GPM6A: variants seen among roughly 807,000 people sequenced by gnomAD.
GPM6A encodes glycoprotein M6A.
In GPM6A, 7 loss-of-function variants were observed where a neutral mutation model predicts 32.1. That is an observed-to-expected ratio of 0.22 (90% CI 0.12 to 0.41). The LOEUF (loss-of-function observed/expected upper bound fraction) is 0.41, where lower values mean the gene tolerates loss of function less well. GPM6A is among the 10% of genes least tolerant of loss of function. The probability of loss-of-function intolerance (pLI) is 1.00; values close to 1 mark genes in which losing one functional copy is unlikely to be tolerated. For synonymous variants in GPM6A, 130 were observed against 123.4 expected (o/e 1.05, Z -0.35); for missense variants, 235 against 347.2 (o/e 0.68, Z 2.57).
At chr4:175,797,376 G>A (rs1293408303) in intron 1 of GPM6A, among the ~76,000 whole-genome samples, 1 of 152,078 alleles carries the variant, frequency 6.6e-6, no homozygotes, top group African/African-American at 2.4e-5. Context: ...TGATGTTTGG[G>A]TAGGTAGCTG....
intron 1 of GPM6A, among the ~76,000 whole-genome samples, chr4:175,968,417 T>C (rs555812295): frequency 6.6e-6 from 1 of 152,296 alleles, no homozygotes; most frequent in East Asian, 1.9e-4. Context: ...AAAGAAAATA[T>C]TGATAAGATG....
intron 1 of GPM6A, among the ~76,000 whole-genome samples, chr4:175,884,870 A>T (rs1022249482): frequency 6.6e-6 from 1 of 152,176 alleles, no homozygotes; most frequent in Non-Finnish European, 1.5e-5. Context: ...TTTCTTTGAC[A>T]TATTAAAAAT....
At chr4:175,648,685 C>T (rs1741612457) in intron 4 of GPM6A, among the ~76,000 whole-genome samples, 1 of 152,174 alleles carries the variant, frequency 6.6e-6, no homozygotes, top group South Asian at 2.1e-4. Flanking sequence ...CCAGTTTCTC[C>T]AGGCCACCCA....
intron 1 of GPM6A, among the ~76,000 whole-genome samples, chr4:175,766,474 CAGTT>C (rs1445464280): frequency 6.6e-6 from 1 of 152,078 alleles, no homozygotes; most frequent in Non-Finnish European, 1.5e-5. Context: ...TTACACTAGT[CAGTT>C]AAGTTTTGAT....
At chr4:175,887,690 A>G (rs1032854761) in intron 1 of GPM6A, among the ~76,000 whole-genome samples, 1 of 151,934 alleles carries the variant, frequency 6.6e-6, no homozygotes, top group Admixed American at 6.6e-5. Flanking sequence ...TAGACACAAT[A>G]AAAATATAAC....
intron 1 of GPM6A, among the ~76,000 whole-genome samples, chr4:175,721,166 T>TA (rs55909333): frequency 5.2e-4 from 75 of 145,496 alleles, no homozygotes; most frequent in Non-Finnish European, 9.2e-4. Context: ...TATATATATA[T>TA]TTTCTATTTT....
chr4:175,857,774 G>C (rs1409558014), intron 1 of GPM6A, among the ~76,000 whole-genome samples: 1 of 151,958 alleles, frequency 6.6e-6, no homozygotes, highest in Non-Finnish European at 1.5e-5. Flanking sequence ...CATACTTAAT[G>C]ATAAAAGACT....
intron 1 of GPM6A, chr4:176,002,248 T>C (rs1194051609): frequency 9.1e-6 from 14 of 1,533,744 alleles, no homozygotes; most frequent in Non-Finnish European, 1.3e-5. Flanking sequence ...TTTCTTTCTA[T>C]AATGCCCATT....
chr4:175,828,827 A>G (rs1185265202), intron 1 of GPM6A, among the ~76,000 whole-genome samples: 2 of 152,000 alleles, frequency 1.3e-5, no homozygotes, highest in African/African-American at 2.4e-5. Flanking sequence ...TTATCTTTTA[A>G]TGATATAAAA....
chr4:175,675,620 A>G (rs1743319173), intron 2 of GPM6A, among the ~76,000 whole-genome samples: 1 of 151,834 alleles, frequency 6.6e-6, no homozygotes, highest in South Asian at 2.1e-4. Context: ...ATTTTTAATG[A>G]TTTTTCTTCG....
intron 1 of GPM6A, among the ~76,000 whole-genome samples, chr4:175,904,278 T>C (rs938771101): frequency 6.6e-6 from 1 of 152,146 alleles, no homozygotes; most frequent in African/African-American, 2.4e-5. Flanking sequence ...CCGATATTAT[T>C]AGAAATTATA....
At chr4:175,829,334 T>C (rs1054373244) in intron 1 of GPM6A, among the ~76,000 whole-genome samples, 1 of 152,190 alleles carries the variant, frequency 6.6e-6, no homozygotes, top group East Asian at 1.9e-4. Context: ...AGTTTCAAGT[T>C]GAAAGATTAT....
At chr4:175,812,300 G>GT, upstream of GPM6A, 4 of 418,844 alleles carry the variant, frequency 9.6e-6, 2 homozygotes, top group East Asian at 3.0e-4. Context: ...AAAAACTGGG[G>GT]GTTTTTTTTT....
At chr4:175,992,248 A>G (rs190159437) in intron 1 of GPM6A, among the ~76,000 whole-genome samples, 54 of 152,294 alleles carry the variant, frequency 3.5e-4, no homozygotes, top group African/African-American at 1.2e-3. Flanking sequence ...AGGAAGTCTC[A>G]GATAATTCCT....
intron 1 of GPM6A, among the ~76,000 whole-genome samples, chr4:175,865,605 C>G (rs890182149): frequency 2.0e-5 from 3 of 152,098 alleles, no homozygotes; most frequent in Non-Finnish European, 4.4e-5. Context: ...TACTTTCTTT[C>G]ATAAATCTTT....
intron 1 of GPM6A, chr4:175,787,340 C>A: frequency 6.5e-7 from 1 of 1,531,056 alleles, no homozygotes; most frequent in African/African-American, 1.4e-5. Context: ...CCTTACCTTC[C>A]AGGTCTGTCA....
chr4:175,941,140 T>C (rs774749808), intron 1 of GPM6A, among the ~76,000 whole-genome samples: 3 of 152,210 alleles, frequency 2.0e-5, no homozygotes, highest in Non-Finnish European at 2.9e-5. Context: ...ATTTTATCCA[T>C]AGTTTGGAAA....
chr4:175,668,394 C>A (rs1199190266), intron 3 of GPM6A, among the ~76,000 whole-genome samples: 1 of 151,862 alleles, frequency 6.6e-6, no homozygotes, highest in Non-Finnish European at 1.5e-5. Context: ...CCCCACCCCC[C>A]AAATCTTCCT....
chr4:175,642,339 G>A (rs1262202708), intron 4 of GPM6A, among the ~76,000 whole-genome samples: 1 of 152,080 alleles, frequency 6.6e-6, no homozygotes. Flanking sequence ...TTTATGTTGT[G>A]CTTACATTTC....
Sources: allele counts gnomAD v4.1 joint callset (sites outside exome capture counted in the v4.1 genomes callset), GRCh38; gene constraint gnomAD v4.1.1; transcripts MANE v1.5; gene names NCBI Gene and HGNC (gene_info 2026-07-23, HGNC 2026-07-21).